The following PRUNE2 variants were observed in gnomAD, a reference collection of about 807,000 sequenced individuals.
PRUNE2 encodes the protein protein prune homolog 2.
PRUNE2 carries 164 observed loss-of-function variants against 252.0 expected under a neutral mutation model. That is an observed-to-expected ratio of 0.65 (90% CI 0.57 to 0.74). The LOEUF (loss-of-function observed/expected upper bound fraction) is 0.74. PRUNE2 is among the 30% of genes least tolerant of loss of function. The pLI is 0.00. For synonymous variants in PRUNE2, 1,292 were observed against 1,350.2 expected (o/e 0.96, Z 0.94); for missense variants, 3,495 against 3,711.0 (o/e 0.94, Z 1.51).
intron 6 of PRUNE2, chr9:76,737,885 A>G (rs1166250281): frequency 6.6e-6 from 1 of 152,254 alleles, no homozygotes; most frequent in Non-Finnish European, 1.5e-5. Context: ...ATTTCTAAGC[A>G]GAACAATTTT....
intron 6 of PRUNE2, among the ~76,000 whole-genome samples, chr9:76,755,172 C>T (rs1449271343): frequency 1.3e-5 from 2 of 151,990 alleles, no homozygotes; most frequent in Non-Finnish European, 2.9e-5. Flanking sequence ...CATGAAATCA[C>T]ACTGTATATT....
intron 6 of PRUNE2, among the ~76,000 whole-genome samples, chr9:76,775,919 CA>C (rs5898505): frequency 0.53 from 80,346 of 151,940 alleles, 22,974 homozygotes; most frequent in African/African-American, 0.75. Flanking sequence ...CCTATGACTA[CA>C]CATCCCTAAA....
At chr9:76,837,722 T>C (rs1468826761) in intron 4 of PRUNE2, among the ~76,000 whole-genome samples, 1 of 151,902 alleles carries the variant, frequency 6.6e-6, no homozygotes, top group Non-Finnish European at 1.5e-5. Context: ...CATATTTTAA[T>C]TTTTTCATTG....
chr9:76,836,630 T>C (rs542741967), intron 4 of PRUNE2, among the ~76,000 whole-genome samples: 2 of 152,252 alleles, frequency 1.3e-5, no homozygotes, highest in South Asian at 4.1e-4. Flanking sequence ...AATGATTTGT[T>C]TCCTGAAATT....
intron 6 of PRUNE2, among the ~76,000 whole-genome samples, chr9:76,733,884 GA>G (rs2048848510): frequency 6.6e-6 from 1 of 150,874 alleles, no homozygotes; most frequent in African/African-American, 2.4e-5. Context: ...GATCCAAAAA[GA>G]TTTTTTTTTA....
At chr9:76,832,124 G>A (rs1012982680) in intron 4 of PRUNE2, among the ~76,000 whole-genome samples, 5 of 152,008 alleles carry the variant, frequency 3.3e-5, no homozygotes, top group African/African-American at 9.7e-5. Context: ...AGCAAAAACT[G>A]AAAAGACTAG....
At chr9:76,752,885 C>A (rs2050758491) in intron 6 of PRUNE2, among the ~76,000 whole-genome samples, 1 of 152,106 alleles carries the variant, frequency 6.6e-6, no homozygotes, top group South Asian at 2.1e-4. Flanking sequence ...TAGTCCAATC[C>A]TTGAGAGCAT....
chr9:76,838,245 A>ATAG (rs2059171343), intron 4 of PRUNE2, among the ~76,000 whole-genome samples: 1 of 151,220 alleles, frequency 6.6e-6, no homozygotes, highest in African/African-American at 2.4e-5. Flanking sequence ...AACATAATAA[A>ATAG]ATAGATAGAT....
At chr9:76,751,089 C>T (rs573482619) in intron 6 of PRUNE2, among the ~76,000 whole-genome samples, 2 of 152,170 alleles carry the variant, frequency 1.3e-5, no homozygotes, top group Non-Finnish European at 2.9e-5. Flanking sequence ...AATCTAGACC[C>T]GTAACATACG....
intron 3 of PRUNE2, among the ~76,000 whole-genome samples, chr9:76,848,566 G>A (rs2059789312): frequency 6.6e-6 from 1 of 152,128 alleles, no homozygotes; most frequent in East Asian, 1.9e-4. Context: ...AAACAGAAAA[G>A]GTTTTATTTC....
intron 1 of PRUNE2, among the ~76,000 whole-genome samples, chr9:76,873,935 T>C (rs912477488): frequency 4.6e-5 from 7 of 152,224 alleles, no homozygotes; most frequent in African/African-American, 1.7e-4. Context: ...TAAATGTTAT[T>C]CTGCAGGGAA....
intron 7 of PRUNE2, 131 bp from the exon 8 acceptor site, chr9:76,711,489 CT>C: frequency 1.6e-6 from 1 of 643,826 alleles, no homozygotes; most frequent in East Asian, 2.8e-5. Flanking sequence ...AAAAGAAGAT[CT>C]CAAACTTAGA....
intron 9 of PRUNE2, among the ~76,000 whole-genome samples, chr9:76,697,684 G>C (rs1347594328): frequency 6.6e-6 from 1 of 152,220 alleles, no homozygotes; most frequent in Non-Finnish European, 1.5e-5. Flanking sequence ...AGAAATGCTT[G>C]TTTGGGCAGC....
chr9:76,791,978 T>G (rs540874451), intron 6 of PRUNE2, among the ~76,000 whole-genome samples: 27 of 152,232 alleles, frequency 1.8e-4, no homozygotes, highest in African/African-American at 6.5e-4. Flanking sequence ...GATTTGAGCA[T>G]GCAGGGGCAT....
intron 5 of PRUNE2, among the ~76,000 whole-genome samples, chr9:76,824,710 A>T (rs750809367): frequency 2.0e-5 from 3 of 152,208 alleles, no homozygotes; most frequent in Non-Finnish European, 4.4e-5. Flanking sequence ...AGCCTGGTAA[A>T]GCACTGCACC....
intron 6 of PRUNE2, among the ~76,000 whole-genome samples, chr9:76,718,818 C>T (rs2047379866): frequency 6.6e-6 from 1 of 152,124 alleles, no homozygotes. Flanking sequence ...ATATGGCCCA[C>T]CGCCTCCTCA....
At chr9:76,702,321 G>C (rs1344286502) in intron 9 of PRUNE2, among the ~76,000 whole-genome samples, 1 of 152,060 alleles carries the variant, frequency 6.6e-6, no homozygotes, top group Non-Finnish European at 1.5e-5. Flanking sequence ...GGCTCCCAAG[G>C]TGTTGGGATT....
chr9:76,666,910 G>C (rs191982887), intron 9 of PRUNE2, among the ~76,000 whole-genome samples: 78 of 152,228 alleles, frequency 5.1e-4, no homozygotes, highest in Non-Finnish European at 2.5e-4. Flanking sequence ...GCCGGCTGTG[G>C]TGGTGCATGC....
intron 6 of PRUNE2, among the ~76,000 whole-genome samples, chr9:76,749,818 A>T (rs184153781): frequency 7.0e-4 from 106 of 152,346 alleles, no homozygotes; most frequent in African/African-American, 2.1e-3. Flanking sequence ...AGAAGGGAAC[A>T]GGGCATGACA....
Sources: gnomAD v4.1 joint callset for allele counts (sites outside exome capture counted in the v4.1 genomes callset) on GRCh38, gnomAD v4.1.1 for gene constraint, MANE v1.5 for transcripts, NCBI Gene and HGNC (gene_info 2026-07-23, HGNC 2026-07-21) for gene names.